The following SBF2 variants were observed in gnomAD, a reference collection of about 807,000 sequenced individuals.
The protein encoded by SBF2 is myotubularin-related protein 13.
A neutral mutation model predicts 225.2 loss-of-function variants in SBF2; 112 were observed. That is an observed-to-expected ratio of 0.50 (90% confidence interval 0.43 to 0.58). The LOEUF is 0.58. SBF2 is among the 20% of genes least tolerant of loss of function. The pLI is 0.00. For missense variants in SBF2, 1,996 were observed against 2,206.2 expected (o/e 0.90, Z 1.91); for synonymous variants, 763 against 773.3 (o/e 0.99, Z 0.22).
At chr11:9,855,010 C>T (rs1055812856) in intron 19 of SBF2, among the ~76,000 whole-genome samples, 1 of 152,114 alleles carries the variant, frequency 6.6e-6, no homozygotes, top group Non-Finnish European at 1.5e-5. Flanking sequence ...ACAAATTAAA[C>T]AGATAGGTCC....
At chr11:9,788,897 G>A (rs1426617830) in intron 35 of SBF2, among the ~76,000 whole-genome samples, 6 of 151,866 alleles carry the variant, frequency 4.0e-5, no homozygotes, top group African/African-American at 4.8e-5. Flanking sequence ...GAGCCACCGC[G>A]CCAGGCTGGA....
intron 13 of SBF2, among the ~76,000 whole-genome samples, chr11:9,989,258 A>G (rs928623979): frequency 3.9e-5 from 6 of 152,122 alleles, no homozygotes; most frequent in Admixed American, 1.3e-4. Flanking sequence ...ACGCAAAGAC[A>G]TAAGAATGAT....
chr11:10,112,001 T>A (rs1565242058), intron 2 of SBF2, among the ~76,000 whole-genome samples: 1 of 152,246 alleles, frequency 6.6e-6, no homozygotes, highest in Non-Finnish European at 1.5e-5. Flanking sequence ...TATTTAGACA[T>A]CAAATTTGAA....
intron 1 of SBF2, among the ~76,000 whole-genome samples, chr11:10,260,859 A>T (rs1340000914): frequency 6.6e-6 from 1 of 151,570 alleles, no homozygotes; most frequent in Non-Finnish European, 1.5e-5. Context: ...CAGCTTAGGC[A>T]ACAGAGAGAC....
intron 16 of SBF2, among the ~76,000 whole-genome samples, chr11:9,947,952 G>A (rs1865658993): frequency 6.6e-6 from 1 of 152,144 alleles, no homozygotes; most frequent in Non-Finnish European, 1.5e-5. Flanking sequence ...CAGAATAACT[G>A]AAAGCAGGAG....
chr11:10,201,562 T>C (rs182601442), intron 1 of SBF2, among the ~76,000 whole-genome samples: 77 of 152,376 alleles, frequency 5.1e-4, no homozygotes, highest in African/African-American at 1.8e-3. Context: ...TTTTTGTGGT[T>C]ATTTAAAAAT....
At chr11:9,898,745 A>G (rs1861476827) in intron 16 of SBF2, among the ~76,000 whole-genome samples, 1 of 152,222 alleles carries the variant, frequency 6.6e-6, no homozygotes, top group African/African-American at 2.4e-5. Flanking sequence ...TGACCCAGTT[A>G]AAAATAAAAA....
chr11:10,132,516 G>A (rs1046537414), intron 2 of SBF2, among the ~76,000 whole-genome samples: 1 of 148,162 alleles, frequency 6.7e-6, no homozygotes, highest in East Asian at 2.2e-4. Context: ...GACCTTCGCG[G>A]TGAGTGTTAC....
intron 2 of SBF2, among the ~76,000 whole-genome samples, chr11:10,133,051 T>C (rs1237483240): frequency 6.8e-6 from 1 of 147,524 alleles, no homozygotes; most frequent in Non-Finnish European, 1.5e-5. Context: ...CCGATTGGTG[T>C]ATTTACAATC....
intron 2 of SBF2, among the ~76,000 whole-genome samples, chr11:10,132,018 A>C (rs1341963737): frequency 6.6e-6 from 1 of 152,036 alleles, no homozygotes; most frequent in Non-Finnish European, 1.5e-5. Flanking sequence ...ATTTTGAGTT[A>C]CTCTGGTACC....
chr11:9,885,288 C>G (rs969466314), intron 17 of SBF2, among the ~76,000 whole-genome samples: 3 of 147,246 alleles, frequency 2.0e-5, no homozygotes, highest in Non-Finnish European at 3.0e-5. Flanking sequence ...CCCACCCCCC[C>G]AAAAAAAACC....
intron 17 of SBF2, among the ~76,000 whole-genome samples, chr11:9,891,491 G>C (rs190249763): frequency 9.8e-5 from 15 of 152,294 alleles, no homozygotes; most frequent in African/African-American, 3.6e-4. Context: ...AGTATGTGTC[G>C]TGAGGGTAAG....
intron 13 of SBF2, among the ~76,000 whole-genome samples, chr11:9,986,127 G>C (rs1197755403): frequency 6.6e-6 from 1 of 152,038 alleles, no homozygotes; most frequent in Non-Finnish European, 1.5e-5. Flanking sequence ...GACGCCAAAA[G>C]GAACCTTCAA....
chr11:10,042,553 T>A (rs1008545691), intron 3 of SBF2, among the ~76,000 whole-genome samples: 2 of 152,172 alleles, frequency 1.3e-5, no homozygotes, highest in Admixed American at 6.5e-5. Context: ...GCAGGGAAAA[T>A]CACAGGTTCA....
intron 1 of SBF2, among the ~76,000 whole-genome samples, chr11:10,289,384 G>C (rs1478528548): frequency 1.3e-5 from 2 of 152,172 alleles, no homozygotes; most frequent in Non-Finnish European, 2.9e-5. Flanking sequence ...GCACACCCAG[G>C]AGGGCGGGGC....
chr11:10,164,401 T>C (rs1204841433), intron 2 of SBF2, among the ~76,000 whole-genome samples: 1 of 152,188 alleles, frequency 6.6e-6, no homozygotes, highest in Non-Finnish European at 1.5e-5. Flanking sequence ...ACAAATTGGA[T>C]AGGCAAAACT....
intron 17 of SBF2, among the ~76,000 whole-genome samples, chr11:9,873,067 G>A (rs959730367): frequency 4.0e-5 from 6 of 151,704 alleles, no homozygotes; most frequent in African/African-American, 7.3e-5. Context: ...TTAGCTGGGC[G>A]TGGTGGCACA....
intron 1 of SBF2, among the ~76,000 whole-genome samples, chr11:10,245,133 C>CAAAAAA (rs60827616): frequency 1.1e-5 from 1 of 92,500 alleles, no homozygotes; most frequent in Non-Finnish European, 2.1e-5. Flanking sequence ...GACCCTGTCT[C>CAAAAAA]AAAAAAAAAA....
intron 2 of SBF2, among the ~76,000 whole-genome samples, chr11:10,185,033 G>T (rs1032549675): frequency 3.3e-5 from 5 of 151,904 alleles, no homozygotes; most frequent in Non-Finnish European, 5.9e-5. Flanking sequence ...GTTGAACCTT[G>T]CATAACACAA....
Sources: gnomAD v4.1 joint callset for allele counts (sites outside exome capture counted in the v4.1 genomes callset) on GRCh38, gnomAD v4.1.1 for gene constraint, MANE v1.5 for transcripts, NCBI Gene and HGNC (gene_info 2026-07-23, HGNC 2026-07-21) for gene names.